OPRM1: variants seen among roughly 807,000 people sequenced by gnomAD.
The protein encoded by OPRM1 is mu-type opioid receptor.
A neutral mutation model predicts 31.8 loss-of-function variants in OPRM1; 27 were observed. The observed-to-expected ratio is 0.85, with a 90% CI of 0.63 to 1.17. The LOEUF (loss-of-function observed/expected upper bound fraction) is 1.17, where lower values mean the gene tolerates loss of function less well. OPRM1 is among the 50% of genes most tolerant of loss of function. OPRM1 has a pLI of 0.00. For synonymous variants in OPRM1, 196 were observed against 189.9 expected, an observed-to-expected ratio of 1.03 and a Z score of -0.26; for missense variants, 536 against 511.1, an observed-to-expected ratio of 1.05 and a Z score of -0.47.
chr6:154,187,390 G>A lies in OPRM1; in HGVS notation c.1165-59303G>A, dbSNP rs1403407354. On this transcript the variant is annotated intron_variant, in intron 3 of 3. Transcript: ENST00000337049. ...TCTCCCCTCAGTGTTAGCTCTGTAG[G>A]GCTGTTTATTTTGGCTTTCGTTTGC... Among the ~76,000 whole-genome samples the A allele has an allele frequency of 2.0e-5, 3 of 152,124 alleles. 1 individual carries two copies. The highest frequency in any genetic ancestry group is 7.2e-5 in the African/African-American group (3 of 41,408).
At chr6:154,147,958 GT>G (rs34177071) in intron 3 of OPRM1, among the ~76,000 whole-genome samples, 1 of 152,210 alleles carries the variant, frequency 6.6e-6, no homozygotes, top group Non-Finnish European at 1.5e-5. Context: ...AGTATGGCCA[GT>G]TTTTTGTAAA....
chr6:154,144,818 G>A (rs943200077), intron 3 of OPRM1, among the ~76,000 whole-genome samples: 1 of 150,296 alleles, frequency 6.7e-6, no homozygotes, highest in Non-Finnish European at 1.5e-5. Context: ...AGGAAGCAAG[G>A]CTGGTTTGAT....
chr6:154,083,869 G>T (rs932754116), intron 1 of OPRM1, among the ~76,000 whole-genome samples: 3 of 151,206 alleles, frequency 2.0e-5, no homozygotes, highest in Non-Finnish European at 4.4e-5. Flanking sequence ...GCGTGAACCC[G>T]GGAGGCGGAG....
At chr6:154,064,715 A>C (rs1342714600) in intron 1 of OPRM1, among the ~76,000 whole-genome samples, 1 of 152,166 alleles carries the variant, frequency 6.6e-6, no homozygotes, top group Non-Finnish European at 1.5e-5. Context: ...GTGAATGTCC[A>C]ATTTTCCCAA....
At chr6:154,059,805 G>T (rs73026640) in intron 1 of OPRM1, among the ~76,000 whole-genome samples, 2,034 of 152,230 alleles carry the variant, frequency 0.013, 21 homozygotes, top group Non-Finnish European at 0.021. Flanking sequence ...GTGTCTCAGT[G>T]TTCCATTTCT....
chr6:154,147,284 T>C (rs1342946212), intron 3 of OPRM1, among the ~76,000 whole-genome samples: 3 of 152,194 alleles, frequency 2.0e-5, no homozygotes, highest in Non-Finnish European at 4.4e-5. Flanking sequence ...GTTCTCTTGT[T>C]TTTCATATTG....
downstream of OPRM1, among the ~76,000 whole-genome samples, chr6:154,134,264 G>A (rs1045049334): frequency 6.6e-6 from 1 of 152,206 alleles, no homozygotes; most frequent in African/African-American, 2.4e-5. Flanking sequence ...GAACCCCAAA[G>A]CAGAGGAGAA....
chr6:154,238,539 C>T (rs1040351493), intron 3 of OPRM1, among the ~76,000 whole-genome samples: 1 of 152,014 alleles, frequency 6.6e-6, no homozygotes, highest in Non-Finnish European at 1.5e-5. Flanking sequence ...GTGCTGGGAT[C>T]ATAGGCATGA....
chr6:154,150,093 C>G (rs928758633), intron 3 of OPRM1, among the ~76,000 whole-genome samples: 9 of 152,214 alleles, frequency 5.9e-5, no homozygotes, highest in African/African-American at 2.2e-4. Flanking sequence ...TCTCTGGGCA[C>G]TTGCGTCCCT....
chr6:154,056,490 G>A lies in OPRM1; in HGVS notation c.290+16656G>A, dbSNP rs150727712. Among the ~76,000 whole-genome samples the A allele has an allele frequency of 7.2e-5, 11 of 151,852 alleles. No homozygotes were observed. In the East Asian group the frequency reaches 1.9e-3, roughly 27 times the overall value. ...CTGTGGCTATTTCTAACACCTTCAC[G>A]ATGGATTTTTCCAGGACTTGCAATG... On this transcript the variant is annotated intron_variant, in intron 1 of 3. Coordinates refer to ENST00000330432, the MANE Select transcript of OPRM1 (RefSeq NM_000914.5).
At chr6:154,134,266 A>G (rs1449765273), downstream of OPRM1, among the ~76,000 whole-genome samples, 1 of 152,252 alleles carries the variant, frequency 6.6e-6, no homozygotes, top group African/African-American at 2.4e-5. Context: ...ACCCCAAAGC[A>G]GAGGAGAAGT....
chr6:154,138,736 C>T (rs1041517367), intron 3 of OPRM1, among the ~76,000 whole-genome samples: 6 of 152,188 alleles, frequency 3.9e-5, no homozygotes, highest in African/African-American at 1.4e-4. Context: ...CAGACCTTTC[C>T]CAAAACAAAC....
At chr6:154,099,711 C>A (rs141260538) in intron 3 of OPRM1, among the ~76,000 whole-genome samples, 1 of 128,198 alleles carries the variant, frequency 7.8e-6, no homozygotes, top group African/African-American at 3.3e-5. Flanking sequence ...AGGCTAGAAA[C>A]AAGATTCATT....
chr6:154,237,467 C>T lies in OPRM1; in HGVS notation c.1165-9226C>T, dbSNP rs552431344. On this transcript the variant is annotated intron_variant, in intron 3 of 3. Transcript: ENST00000337049. ...TCCTGGTATCTGAAAATTCCTAGCACAATTCTCCTGCATCCTAAAATCTCA... is the reference window on the plus strand; with the variant it reads ...TCCTGGTATCTGAAAATTCCTAGCATAATTCTCCTGCATCCTAAAATCTCA... Among the ~76,000 whole-genome samples the T allele has an allele frequency of 2.6e-5, 4 of 152,328 alleles. No homozygotes were observed. The East Asian group carries it at 7.7e-4, about 29-fold the overall frequency.
In OPRM1 at chr6:154,121,596, T is replaced by G. The variant is rs922502119; in HGVS notation, c.*2875T>G. 1.3e-5 allele frequency among the ~76,000 whole-genome samples: 2 copies of G among 152,206 alleles called. No homozygotes were observed. The highest frequency in any genetic ancestry group is 1.3e-4 in the Admixed American group (2 of 15,268). On this transcript the variant is annotated 3_prime_UTR_variant, in exon 4 of 4. Coordinates refer to ENST00000330432, the MANE Select transcript of OPRM1 (RefSeq NM_000914.5). ...TTGATAAAACTGATAACCATTCACT[T>G]GCAAATGTTATTATTGAATAAGTCT...
intron 3 of OPRM1, among the ~76,000 whole-genome samples, chr6:154,152,034 G>A (rs757822623): frequency 5.9e-5 from 9 of 151,626 alleles, no homozygotes; most frequent in South Asian, 2.1e-4. Flanking sequence ...AAAGTTAGCC[G>A]GGTATGGTGG....
chr6:154,159,285 C>T (rs1008210954), intron 3 of OPRM1: 1 of 158,638 alleles, frequency 6.3e-6, no homozygotes, highest in Non-Finnish European at 1.4e-5. Flanking sequence ...TTTCTCATCA[C>T]ATGGAAAAGG....
At position 154,039,262 on chromosome 6, in the gene OPRM1, A is replaced by C; in HGVS notation, c.-283A>C. The C allele has an allele frequency of 1.2e-5, 19 of 1,551,478 alleles. No individual in the cohort carries two copies. The highest frequency in any genetic ancestry group is 1.7e-5 in the Non-Finnish European group (19 of 1,146,914). ...CTCCTCCCTCCCTTCCAGCCTCCGA[A>C]TCCCGCATGGCCCACGCTCCCCTCC... On this transcript the variant is annotated 5_prime_UTR_variant, in exon 1 of 4. Coordinates refer to ENST00000330432, the MANE Select transcript of OPRM1 (RefSeq NM_000914.5).
intron 3 of OPRM1, chr6:154,107,924 A>C (rs552928147): frequency 7.6e-4 from 501 of 657,918 alleles, no homozygotes; most frequent in Non-Finnish European, 1.3e-3. Context: ...ACATTAATCA[A>C]AACTTTACAG....
Sources: allele counts gnomAD v4.1 joint callset (sites outside exome capture counted in the v4.1 genomes callset), GRCh38; gene constraint gnomAD v4.1.1; transcripts MANE v1.5; gene names NCBI Gene and HGNC (gene_info 2026-07-23, HGNC 2026-07-21).